Variants in DEPTOR observed in about 807,000 individuals in gnomAD.
DEPTOR encodes DEP domain-containing mTOR-interacting protein.
Under a neutral mutation model 41.6 loss-of-function variants are expected in DEPTOR, and 41 were observed. The observed-to-expected ratio is 0.98, with a 90% CI of 0.77 to 1.28. DEPTOR has a LOEUF of 1.28. DEPTOR is among the 50% of genes most tolerant of loss of function. DEPTOR has a pLI of 0.00. For missense variants in DEPTOR, 514 were observed against 527.9 expected (o/e 0.97, Z 0.26); for synonymous variants, 195 against 192.3 (o/e 1.01, Z -0.12).
intron 8 of DEPTOR, among the ~76,000 whole-genome samples, chr8:120,025,150 G>T (rs1812779558): frequency 6.6e-6 from 1 of 152,176 alleles, no homozygotes; most frequent in African/African-American, 2.4e-5. Context: ...AATCCACACA[G>T]ATTTTAATTA....
At chr8:119,888,528 G>A (rs1015161926) in intron 1 of DEPTOR, among the ~76,000 whole-genome samples, 1 of 152,118 alleles carries the variant, frequency 6.6e-6, no homozygotes, top group Non-Finnish European at 1.5e-5. Context: ...TTGATAAACA[G>A]TCAACAATCA....
chr8:119,927,603 AAT>A (rs911423846), intron 1 of DEPTOR, among the ~76,000 whole-genome samples: 1 of 146,752 alleles, frequency 6.8e-6, no homozygotes, highest in Admixed American at 6.9e-5. Context: ...TATATATATA[AAT>A]ATATATATTA....
chr8:119,982,967 G>C (rs774296700), intron 4 of DEPTOR, among the ~76,000 whole-genome samples: 3 of 152,160 alleles, frequency 2.0e-5, no homozygotes, highest in African/African-American at 4.8e-5. Flanking sequence ...GAGAGATTGG[G>C]TTTGAATAAG....
chr8:119,926,625 A>G (rs1028037375), intron 1 of DEPTOR, among the ~76,000 whole-genome samples: 1 of 152,144 alleles, frequency 6.6e-6, no homozygotes, highest in African/African-American at 2.4e-5. Context: ...GTTTTTCCTT[A>G]CTAAACCTGG....
intron 1 of DEPTOR, among the ~76,000 whole-genome samples, chr8:119,911,836 G>A (rs1827749145): frequency 6.6e-6 from 1 of 152,130 alleles, no homozygotes. Context: ...GAGGCTCAAG[G>A]TTTGCATTCT....
intron 1 of DEPTOR, among the ~76,000 whole-genome samples, chr8:119,875,953 C>T (rs1334930128): frequency 6.6e-6 from 1 of 152,188 alleles, no homozygotes; most frequent in Non-Finnish European, 1.5e-5. Context: ...TGATAACAGG[C>T]TTCAGTCCCT....
chr8:119,891,211 G>A (rs965544052), intron 1 of DEPTOR: 4 of 134,796 alleles, frequency 3.0e-5, no homozygotes, highest in African/African-American at 1.0e-4. Flanking sequence ...GGCACGTTCA[G>A]GGTGGTATGG....
At chr8:119,986,168 G>A (rs1828828280) in intron 4 of DEPTOR, among the ~76,000 whole-genome samples, 2 of 152,022 alleles carry the variant, frequency 1.3e-5, no homozygotes, top group Admixed American at 6.6e-5. Flanking sequence ...GCTCGTACTG[G>A]TTGTTCCTTT....
chr8:119,974,715 T>C (rs1166205945), intron 4 of DEPTOR, among the ~76,000 whole-genome samples: 1 of 151,360 alleles, frequency 6.6e-6, no homozygotes, highest in East Asian at 1.9e-4. Flanking sequence ...GAGGTTGCAG[T>C]GAGCTGAGAT....
At chr8:119,929,143 G>A (rs1339625127) in intron 2 of DEPTOR, among the ~76,000 whole-genome samples, 1 of 152,086 alleles carries the variant, frequency 6.6e-6, no homozygotes, top group Non-Finnish European at 1.5e-5. Flanking sequence ...TGGTTTCCAA[G>A]TTTTTGCTGT....
chr8:119,950,805 C>A (rs569397169), intron 3 of DEPTOR, among the ~76,000 whole-genome samples: 102 of 152,098 alleles, frequency 6.7e-4, no homozygotes, highest in Non-Finnish European at 1.3e-3. Context: ...ACCATGTTTG[C>A]CAGGCTGGTC....
intron 3 of DEPTOR, among the ~76,000 whole-genome samples, chr8:119,942,140 G>A (rs1030997910): frequency 4.6e-5 from 7 of 152,156 alleles, no homozygotes; most frequent in African/African-American, 1.7e-4. Flanking sequence ...GCCCTAGATT[G>A]TCATCTGCAG....
At chr8:119,977,640 T>G (rs1283045521) in intron 4 of DEPTOR, among the ~76,000 whole-genome samples, 1 of 152,226 alleles carries the variant, frequency 6.6e-6, no homozygotes, top group East Asian at 1.9e-4. Context: ...AGGAACAGGT[T>G]GCTTGATAGA....
At chr8:120,033,809 CT>C (rs1812932224) in intron 8 of DEPTOR, among the ~76,000 whole-genome samples, 1 of 152,152 alleles carries the variant, frequency 6.6e-6, no homozygotes, top group South Asian at 2.1e-4. Context: ...TCTCTTAAGC[CT>C]TTAGAGTGAC....
chr8:120,027,009 G>A (rs1304936893), intron 8 of DEPTOR, among the ~76,000 whole-genome samples: 2 of 151,298 alleles, frequency 1.3e-5, no homozygotes, highest in South Asian at 4.2e-4. Context: ...ACCTGAGGTC[G>A]GGAGTTCAAC....
At chr8:119,909,117 G>A (rs1326276723) in intron 1 of DEPTOR, among the ~76,000 whole-genome samples, 1 of 152,200 alleles carries the variant, frequency 6.6e-6, no homozygotes, top group African/African-American at 2.4e-5. Flanking sequence ...AAAGATATTG[G>A]AGACAGGTGC....
intron 1 of DEPTOR, among the ~76,000 whole-genome samples, chr8:119,892,477 C>G (rs1431605054): frequency 1.3e-5 from 2 of 152,196 alleles, no homozygotes; most frequent in East Asian, 3.8e-4. Context: ...TGGTTTTATG[C>G]TCAGATAATA....
intron 8 of DEPTOR, among the ~76,000 whole-genome samples, chr8:120,015,744 C>T (rs1812599295): frequency 6.6e-6 from 1 of 152,094 alleles, no homozygotes; most frequent in South Asian, 2.1e-4. Context: ...CCCCAGGTGC[C>T]ATGGATACCA....
rs928259852 is a variant in DEPTOR at position 119,916,289 on chromosome 8, T to G, written c.123-12111T>G. ...TAATTTTTTTTTTTTTTTTTTTTTT[T>G]TTTTTTTTTTTTTAGAAATGGGGGT... On this transcript the variant is annotated intron_variant, in intron 1 of 8. Transcript: ENST00000286234. Among the ~76,000 whole-genome samples the G allele has an allele frequency of 5.0e-3, 742 of 147,268 alleles. 32 individuals carry two copies. Among genetic ancestry groups the G allele is most frequent in the African/African-American group, 0.015 (615 of 40,122 alleles).
Sources: gnomAD v4.1 joint callset for allele counts (sites outside exome capture counted in the v4.1 genomes callset) on GRCh38, gnomAD v4.1.1 for gene constraint, MANE v1.5 for transcripts, NCBI Gene and HGNC (gene_info 2026-07-23, HGNC 2026-07-21) for gene names.